Variants in NR1I2 observed in about 807,000 individuals in gnomAD.
NR1I2 encodes the protein nuclear receptor subfamily 1 group I member 2.
In NR1I2, 42 loss-of-function variants were observed where a neutral mutation model predicts 43.3. The ratio of observed to expected loss-of-function variants is 0.97; its 90% CI spans 0.76 to 1.26. The LOEUF is 1.26. Among genes scored for constraint, NR1I2 ranks in the 50% most tolerant of loss-of-function variants. The pLI is 0.00. For missense variants in NR1I2, 559 were observed against 566.7 expected (o/e 0.99, Z 0.14); for synonymous variants, 229 against 215.0 (o/e 1.06, Z -0.57).
intron 1 of NR1I2, among the ~76,000 whole-genome samples, chr3:119,800,138 T>C (rs920240268): frequency 6.6e-6 from 1 of 152,244 alleles, no homozygotes; most frequent in Non-Finnish European, 1.5e-5. Flanking sequence ...TTTAGGTCTA[T>C]GATTTTGTGA....
chr3:119,790,862 G>T (rs1479981771), intron 1 of NR1I2, among the ~76,000 whole-genome samples: 1 of 152,014 alleles, frequency 6.6e-6, no homozygotes, highest in Middle Eastern at 3.2e-3. Context: ...TCCATTTCTG[G>T]CTCTGTCTGC....
intron 1 of NR1I2, among the ~76,000 whole-genome samples, chr3:119,796,221 A>G (rs16830505): frequency 0.15 from 23,152 of 152,164 alleles, 2,290 homozygotes; most frequent in African/African-American, 0.28. Context: ...CACCAAGTGT[A>G]CCGCACTTCA....
chr3:119,799,754 T>C (rs1056042994), intron 1 of NR1I2, among the ~76,000 whole-genome samples: 2 of 152,128 alleles, frequency 1.3e-5, no homozygotes, highest in African/African-American at 4.8e-5. Flanking sequence ...CTGAGGGGCA[T>C]GGATCACCTA....
At chr3:119,792,316 A>T in intron 1 of NR1I2, 1 of 1,438,382 alleles carries the variant, frequency 7.0e-7, no homozygotes, top group African/African-American at 1.4e-5. Context: ...CTCATCCTGG[A>T]TGATGTGTCT....
intron 1 of NR1I2, among the ~76,000 whole-genome samples, chr3:119,784,257 T>C (rs1458439295): frequency 6.6e-6 from 1 of 152,220 alleles, no homozygotes; most frequent in African/African-American, 2.4e-5. Flanking sequence ...TTCCATTGAA[T>C]TAGTGCAAAT....
Position 119,818,356 on chromosome 3 carries a change from A to G in NR1I2, c.*1144A>G, listed in dbSNP as rs1187039241. Reference sequence around the variant, plus strand: ...TGTTTATAGCCACTTGTGAGTAAAAATTTTTTTGCATTTTCACAAATTATA... The same window carrying G: ...TGTTTATAGCCACTTGTGAGTAAAAGTTTTTTTGCATTTTCACAAATTATA... On this transcript the variant is annotated 3_prime_UTR_variant, in exon 9 of 9. Coordinates refer to ENST00000393716, the MANE Select transcript of NR1I2 (RefSeq NM_003889.4). 4.1e-6 allele frequency: 4 copies of G among 985,330 alleles called. No individual in the cohort carries two copies. Among genetic ancestry groups the G allele is most frequent in the Non-Finnish European group, 4.8e-6 (4 of 829,892 alleles). The allele number at this position is 985,330 out of a possible 1,614,324, so 61.0% of individuals were successfully genotyped here. A position where few individuals can be genotyped will look rare whatever the true frequency, so the allele number is the denominator to read the frequency against.
chr3:119,804,343 C>G (rs2055122191), intron 1 of NR1I2, among the ~76,000 whole-genome samples: 1 of 150,416 alleles, frequency 6.6e-6, no homozygotes, highest in African/African-American at 2.4e-5. Context: ...CCACTGCACT[C>G]CAGCCTGGGT....
chr3:119,793,513 C>T (rs2054950799), intron 1 of NR1I2, among the ~76,000 whole-genome samples: 1 of 152,218 alleles, frequency 6.6e-6, no homozygotes, highest in Admixed American at 6.5e-5. Flanking sequence ...TCACCTCTTC[C>T]AGCTTCTAGA....
Position 119,817,207 on chromosome 3 carries a change from A to G in NR1I2, c.1300A>G (p.Ser434Gly), listed in dbSNP as rs547650613. Residue 434 changes from serine to glycine, a missense_variant, in exon 9 of 9, where the codon AGC (serine) becomes GGC (glycine). Around this residue, in one of 3 missense-constraint regions of NR1I2, gnomAD observed 323 missense variants for 312.2 expected, o/e 1.03. Coordinates refer to ENST00000393716, the MANE Select transcript of NR1I2 (RefSeq NM_003889.4). The stretch of plus-strand genomic sequence containing the variant: ...GCAGGAGTTGTTCGGCATCACAGGT[A>G]GCTGAGCGGCTGCCCTTGGGTGACA... 3 of 1,614,004 alleles carry G rather than the reference A, an allele frequency of 1.9e-6. No individual in the cohort carries two copies. The highest frequency in any genetic ancestry group is 2.2e-5 in the South Asian group (2 of 91,084).
intron 2 of NR1I2, 47 bp downstream of exon 2, chr3:119,807,494 T>A (rs1465535890): frequency 6.5e-7 from 1 of 1,543,432 alleles, no homozygotes; most frequent in Non-Finnish European, 8.9e-7. Flanking sequence ...ACTGACCCAC[T>A]GGGTAACGTC....
At chr3:119,815,951 G>A in intron 8 of NR1I2, 120 bp downstream of exon 8, 1 of 801,234 alleles carries the variant, frequency 1.2e-6, no homozygotes, top group Non-Finnish European at 2.1e-6. Flanking sequence ...GCCAGACCAG[G>A]TCCAAAGCTC....
At chr3:119,815,604 T>C in intron 7 of NR1I2, 122 bp from the exon 8 acceptor site, 2 of 1,050,330 alleles carry the variant, frequency 1.9e-6, no homozygotes, top group South Asian at 1.3e-5. Context: ...CTGGTCTTCC[T>C]TCACTTCCCT....
intron 3 of NR1I2, 97 bp downstream of exon 3, chr3:119,810,291 C>A: frequency 6.7e-7 from 1 of 1,484,316 alleles, no homozygotes; most frequent in South Asian, 1.3e-5. Flanking sequence ...AGATGCGCGC[C>A]GAGTGTGCGC....
intron 1 of NR1I2, among the ~76,000 whole-genome samples, chr3:119,796,551 C>T (rs1436618412): frequency 6.6e-6 from 1 of 152,242 alleles, no homozygotes; most frequent in Non-Finnish European, 1.5e-5. Flanking sequence ...CCTCTCCTCT[C>T]TACATACTCC....
intron 1 of NR1I2, among the ~76,000 whole-genome samples, chr3:119,794,297 A>G (rs1190591944): frequency 6.6e-6 from 1 of 151,848 alleles, no homozygotes; most frequent in African/African-American, 2.4e-5. Context: ...GGCTCACGTA[A>G]TCTTTTCATC....
At chr3:119,789,608 T>C (rs551643176) in intron 1 of NR1I2, among the ~76,000 whole-genome samples, 1 of 152,340 alleles carries the variant, frequency 6.6e-6, no homozygotes, top group Admixed American at 6.5e-5. Flanking sequence ...GATGAGATTT[T>C]GGTGGGGACA....
intron 1 of NR1I2, among the ~76,000 whole-genome samples, chr3:119,804,659 T>C (rs979961997): frequency 6.6e-6 from 1 of 151,950 alleles, no homozygotes; most frequent in Non-Finnish European, 1.5e-5. Context: ...TTGGCCAGGC[T>C]GGTCTCTAAC....
At chr3:119,796,405 A>T (rs1389717574) in intron 1 of NR1I2, among the ~76,000 whole-genome samples, 1 of 152,174 alleles carries the variant, frequency 6.6e-6, no homozygotes, top group East Asian at 1.9e-4. Flanking sequence ...TCCATTGGTC[A>T]TGTTCCACCC....
intron 1 of NR1I2, among the ~76,000 whole-genome samples, chr3:119,793,795 T>C (rs765672942): frequency 3.3e-5 from 5 of 152,200 alleles, no homozygotes; most frequent in Non-Finnish European, 7.3e-5. Flanking sequence ...GCAGACATCT[T>C]TGAGGGCCTT....
Sources: gnomAD v4.1 joint callset for allele counts (sites outside exome capture counted in the v4.1 genomes callset) on GRCh38, gnomAD v4.1.1 for gene constraint, gnomAD v4.1.1 regional missense constraint, MANE v1.5 for transcripts, NCBI Gene and HGNC (gene_info 2026-07-23, HGNC 2026-07-21) for gene names.